Variants in GALNT13 observed in about 807,000 individuals in gnomAD.
GALNT13 encodes the protein UDP-GalNAc:polypeptide N-acetylgalactosaminyltransferase 13.
In GALNT13, 28 loss-of-function variants were observed where a neutral mutation model predicts 64.2. The observed-to-expected ratio is 0.44, with a 90% confidence interval of 0.32 to 0.60. The LOEUF is 0.60. Among genes scored for constraint, GALNT13 ranks in the 20% least tolerant of loss-of-function variants. The pLI is 0.05. For synonymous variants in GALNT13, 214 were observed against 224.6 expected (o/e 0.95, Z 0.42); for missense variants, 577 against 669.8 (o/e 0.86, Z 1.53).
chr2:153,308,252 C>A, the GALNT13 span, among the ~76,000 whole-genome samples: 1 of 152,146 alleles, frequency 6.6e-6, no homozygotes, highest in African/African-American at 2.4e-5. Flanking sequence ...GGGAATCTTT[C>A]TGAAATGTAT....
At chr2:153,101,335 C>G in the GALNT13 span, among the ~76,000 whole-genome samples, 364 of 151,814 alleles carry the variant, frequency 2.4e-3, no homozygotes, top group African/African-American at 8.4e-3. Flanking sequence ...GAAAAACACA[C>G]TGTGTTTTGA....
chr2:154,364,044 T>C (rs1380885896), intron 9 of GALNT13, among the ~76,000 whole-genome samples: 1 of 152,178 alleles, frequency 6.6e-6, no homozygotes, highest in Non-Finnish European at 1.5e-5. Flanking sequence ...ACACAGGTTA[T>C]ATATATTGAA....
chr2:153,836,027 T>A, the GALNT13 span, among the ~76,000 whole-genome samples: 52 of 152,192 alleles, frequency 3.4e-4, 1 homozygote, highest in African/African-American at 1.1e-3. Context: ...TGTCCCCTGA[T>A]CTATGGTTAA....
chr2:154,050,681 CAAAG>C (rs1346815929), intron 3 of GALNT13, among the ~76,000 whole-genome samples: 2 of 151,982 alleles, frequency 1.3e-5, no homozygotes, highest in African/African-American at 2.4e-5. Flanking sequence ...GTGGAGTACT[CAAAG>C]AGTGTTTTTG....
At chr2:154,010,683 T>C (rs1696573884) in intron 3 of GALNT13, among the ~76,000 whole-genome samples, 1 of 152,294 alleles carries the variant, frequency 6.6e-6, no homozygotes, top group South Asian at 2.1e-4. Context: ...GGTTCATATA[T>C]CTGGTAGAAT....
At chr2:153,765,471 A>C in the GALNT13 span, among the ~76,000 whole-genome samples, 1 of 152,144 alleles carries the variant, frequency 6.6e-6, no homozygotes, top group East Asian at 1.9e-4. Context: ...TATTTGAAAC[A>C]TGTGTAATTA....
intron 4 of GALNT13, among the ~76,000 whole-genome samples, chr2:154,163,424 T>A (rs1274359789): frequency 6.6e-6 from 1 of 151,914 alleles, no homozygotes; most frequent in East Asian, 1.9e-4. Context: ...TCACCACCGA[T>A]CCCACAGAAA....
At chr2:153,359,630 CAAAAAAAAAAAAAAAAAAAA>C in the GALNT13 span, among the ~76,000 whole-genome samples, 22 of 38,220 alleles carry the variant, frequency 5.8e-4, no homozygotes, top group African/African-American at 2.0e-3. Context: ...CAGCTTTCAG[CAAAAAAAAAAAAAAAAAAAA>C]AAAAAAAAAA....
chr2:153,864,469 G>C, the GALNT13 span, among the ~76,000 whole-genome samples: 1 of 152,142 alleles, frequency 6.6e-6, no homozygotes, highest in African/African-American at 2.4e-5. Context: ...CTGTTTGTGT[G>C]TTGTTGGTGT....
the GALNT13 span, among the ~76,000 whole-genome samples, chr2:153,228,813 C>T: frequency 0.022 from 3,019 of 135,370 alleles, 37 homozygotes; most frequent in Middle Eastern, 0.037. Context: ...GCGGAGGTTG[C>T]AGTGAGTCCA....
chr2:154,117,950 A>G (rs1252614329), intron 3 of GALNT13, among the ~76,000 whole-genome samples: 2 of 152,192 alleles, frequency 1.3e-5, no homozygotes, highest in African/African-American at 2.4e-5. Flanking sequence ...ATTTTGGGGA[A>G]TGTTCCCTGC....
the GALNT13 span, among the ~76,000 whole-genome samples, chr2:153,454,752 A>G: frequency 1.3e-5 from 2 of 152,208 alleles, no homozygotes; most frequent in African/African-American, 2.4e-5. Flanking sequence ...GTCTTGAATG[A>G]AAAGTATGTC....
chr2:153,363,338 A>C, the GALNT13 span, among the ~76,000 whole-genome samples: 1 of 152,162 alleles, frequency 6.6e-6, no homozygotes, highest in Admixed American at 6.5e-5. Context: ...GAAAAGCAAG[A>C]GTAAACAAAT....
intron 9 of GALNT13, among the ~76,000 whole-genome samples, chr2:154,333,966 G>A (rs2348924): frequency 3.9e-5 from 6 of 151,908 alleles, no homozygotes; most frequent in Admixed American, 1.3e-4. Context: ...TACAATTGTC[G>A]TAACTTGCAA....
chr2:154,244,059 C>G (rs374148251), intron 6 of GALNT13, among the ~76,000 whole-genome samples: 3 of 151,886 alleles, frequency 2.0e-5, no homozygotes, highest in African/African-American at 7.3e-5. Context: ...GTAAAATGAA[C>G]TTAAAAATGA....
the GALNT13 span, among the ~76,000 whole-genome samples, chr2:153,805,150 A>G: frequency 1.3e-5 from 2 of 151,938 alleles, no homozygotes; most frequent in Admixed American, 6.6e-5. Context: ...AGAAATGAAA[A>G]GGTTTGAGGA....
rs190100085 is a variant in GALNT13, at chr2:153,900,402, T to C, written c.-176-534T>C. Among the ~76,000 whole-genome samples, 576 of 152,292 alleles carry C rather than the reference T, an allele frequency of 3.8e-3. 5 individuals carry two copies. Among genetic ancestry groups the C allele is most frequent in the African/African-American group, 0.013 (538 of 41,574 alleles). ...TGTGTATTTTTGTGGGGTATGCAGG[T>C]CGTGTGCCTGCATTTTTCTCAGTGC... On this transcript the variant is annotated intron_variant, in intron 1 of 12. Transcript: ENST00000392825.
chr2:154,369,631 G>C (rs770620190), intron 9 of GALNT13, among the ~76,000 whole-genome samples: 3 of 152,130 alleles, frequency 2.0e-5, no homozygotes, highest in African/African-American at 4.8e-5. Flanking sequence ...TCATGAGCCA[G>C]TCTCCTCTTA....
the GALNT13 span, among the ~76,000 whole-genome samples, chr2:153,177,754 A>G: frequency 6.6e-6 from 1 of 152,158 alleles, no homozygotes; most frequent in Non-Finnish European, 1.5e-5. Flanking sequence ...AGTGATTTTA[A>G]AGTGTGTACT....
Sources: gnomAD v4.1 joint callset for allele counts (sites outside exome capture counted in the v4.1 genomes callset) on GRCh38, gnomAD v4.1.1 for gene constraint, MANE v1.5 for transcripts, NCBI Gene and HGNC (gene_info 2026-07-23, HGNC 2026-07-21) for gene names.